ADAP2: variants seen among roughly 807,000 people sequenced by gnomAD.
ADAP2 encodes arf-GAP with dual PH domain-containing protein 2.
In ADAP2, 42 loss-of-function variants were observed where a neutral mutation model predicts 54.9. The observed-to-expected ratio is 0.77, with a 90% confidence interval of 0.60 to 0.99. ADAP2 has a LOEUF of 0.99. ADAP2 is among the 50% of genes least tolerant of loss of function. The probability of loss-of-function intolerance (pLI) is 0.00; values close to 1 mark genes in which losing one functional copy is unlikely to be tolerated. For synonymous variants in ADAP2, 177 were observed against 180.1 expected, an observed-to-expected ratio of 0.98 and a Z score of 0.14; for missense variants, 429 against 480.4, an observed-to-expected ratio of 0.89 and a Z score of 1.00.
chr17:30,952,573 G>T (rs539662936), intron 7 of ADAP2, among the ~76,000 whole-genome samples: 1 of 151,914 alleles, frequency 6.6e-6, no homozygotes, highest in South Asian at 2.1e-4. Context: ...GTGGGGTTTC[G>T]CCATGTTGGC....
intron 9 of ADAP2, 108 bp from the exon 10 acceptor site, chr17:30,956,133 C>A: frequency 1.1e-6 from 1 of 874,604 alleles, no homozygotes; most frequent in Non-Finnish European, 1.8e-6. Context: ...GAAATCCCAG[C>A]AGGGACCTCA....
intron 5 of ADAP2, among the ~76,000 whole-genome samples, chr17:30,944,377 C>G (rs1912496786): frequency 6.6e-6 from 1 of 151,988 alleles, no homozygotes; most frequent in Admixed American, 6.5e-5. Flanking sequence ...TGGCTCATGC[C>G]TATAATCCCA....
intron 3 of ADAP2, 48 bp from the exon 4 acceptor site, chr17:30,931,841 A>G: frequency 1.4e-6 from 2 of 1,466,212 alleles, no homozygotes; most frequent in Non-Finnish European, 9.4e-7. Context: ...AAAAAAAAAA[A>G]AAAGAGAATG....
intron 1 of ADAP2, 99 bp downstream of exon 1, chr17:30,922,207 C>G: frequency 1.1e-6 from 1 of 913,776 alleles, no homozygotes; most frequent in Non-Finnish European, 1.4e-6. Context: ...CCTCGGCCCC[C>G]TGGACCCAGA....
At chr17:30,931,828 C>CAA (rs369963418) in intron 3 of ADAP2, 61 bp from the exon 4 acceptor site, 5,857 of 1,022,008 alleles carry the variant, frequency 5.7e-3, no homozygotes, top group African/African-American at 0.01. Context: ...GACCCTGTCT[C>CAA]AAAAAAAAAA....
At chr17:30,949,180 A>G (rs1807007755) in intron 6 of ADAP2, 107 bp from the exon 7 acceptor site, 2 of 833,546 alleles carry the variant, frequency 2.4e-6, no homozygotes, top group Non-Finnish European at 4.0e-6. Flanking sequence ...GGTGCTGAAT[A>G]TATGTGCCCC....
chr17:30,940,647 G>A (rs1376950004), intron 5 of ADAP2, among the ~76,000 whole-genome samples: 1 of 152,182 alleles, frequency 6.6e-6, no homozygotes, highest in East Asian at 1.9e-4. Flanking sequence ...AAAGAAGTTA[G>A]AAGGAGCCGA....
intron 6 of ADAP2, among the ~76,000 whole-genome samples, chr17:30,948,436 G>T (rs999029120): frequency 6.6e-6 from 1 of 151,916 alleles, no homozygotes; most frequent in Non-Finnish European, 1.5e-5. Context: ...GCCGTGTGGT[G>T]GTGGGCGCCT....
chr17:30,922,870 G>A, intron 1 of ADAP2, 70 bp from the exon 2 acceptor site: 3 of 1,564,832 alleles, frequency 1.9e-6, no homozygotes, highest in South Asian at 1.2e-5. Flanking sequence ...CTGCCCCAGT[G>A]CCCCGAGCCC....
At chr17:30,937,156 C>A (rs185740497) in intron 5 of ADAP2, among the ~76,000 whole-genome samples, 3 of 151,952 alleles carry the variant, frequency 2.0e-5, no homozygotes. Context: ...GAATTTCCGA[C>A]CTCGTGATCC....
At chr17:30,943,103 C>T (rs572048536) in intron 5 of ADAP2, among the ~76,000 whole-genome samples, 29 of 152,330 alleles carry the variant, frequency 1.9e-4, no homozygotes, top group African/African-American at 3.4e-4. Flanking sequence ...CAGTGGCTCA[C>T]GCCTGTAATC....
chr17:30,925,183 A>ATTTTTTT (rs57259969), intron 2 of ADAP2, among the ~76,000 whole-genome samples: 1 of 98,142 alleles, frequency 1.0e-5, no homozygotes, highest in Non-Finnish European at 2.0e-5. Context: ...CGTGCCCAGC[A>ATTTTTTT]TTTTTTTTTT....
In ADAP2 at chr17:30,956,342, C is replaced by T. The variant is rs377043166; in HGVS notation, c.984C>T (p.Ala328=). Residue 328 remains alanine (A), a synonymous_variant, in exon 10 of 11, where the codon GCC becomes GCT. Transcript: ENST00000330889. ...PKGIRGNRWK[A]GLTIVTPERR... is the part of the protein sequence containing the mutation. Reference sequence around the variant, plus strand: ...GCATCCGAGGAAATCGCTGGAAAGCCGGACTCACCATTGTCACCCCAGAGC... The same window carrying T: ...GCATCCGAGGAAATCGCTGGAAAGCTGGACTCACCATTGTCACCCCAGAGC... 2.1e-5 allele frequency: 34 copies of T among 1,614,100 alleles called. No homozygotes were observed. Among genetic ancestry groups the T allele is most frequent in the Middle Eastern group, 1.6e-4 (1 of 6,084 alleles).
intron 7 of ADAP2, among the ~76,000 whole-genome samples, chr17:30,952,292 G>T (rs1402932526): frequency 6.6e-6 from 1 of 152,304 alleles, no homozygotes; most frequent in East Asian, 1.9e-4. Flanking sequence ...AGCTGATGGA[G>T]GCCAGAACTG....
At chr17:30,933,978 G>A (rs961040617) in intron 4 of ADAP2, among the ~76,000 whole-genome samples, 2 of 152,186 alleles carry the variant, frequency 1.3e-5, no homozygotes, top group African/African-American at 4.8e-5. Context: ...TTTAGGCAGT[G>A]GGAAGTGCCC....
intron 6 of ADAP2, among the ~76,000 whole-genome samples, chr17:30,948,674 T>C (rs922406978): frequency 2.5e-4 from 38 of 152,202 alleles, no homozygotes; most frequent in Middle Eastern, 3.4e-3. Context: ...ATGTGGGAGA[T>C]GAAGGTGGCC....
chr17:30,931,843 AAG>A, intron 3 of ADAP2, 44 bp from the exon 4 acceptor site: 2 of 1,436,666 alleles, frequency 1.4e-6, no homozygotes, highest in Non-Finnish European at 1.9e-6. Context: ...AAAAAAAAAA[AAG>A]AGAATGCATC....
chr17:30,954,817 TCTAGTCTCCAGGGCTCA>T (rs1206685783), intron 9 of ADAP2, among the ~76,000 whole-genome samples: 4 of 152,168 alleles, frequency 2.6e-5, no homozygotes, highest in Non-Finnish European at 5.9e-5. Flanking sequence ...TATCTCTTCC[TCTAGTCTCCAGGGCTCA>T]CTTCTAACCA....
intron 4 of ADAP2, 90 bp downstream of exon 4, chr17:30,932,058 A>G: frequency 8.2e-7 from 1 of 1,222,860 alleles, no homozygotes; most frequent in African/African-American, 1.5e-5. Context: ...AGATCCATCC[A>G]AGAGATGCCT....
Sources: gnomAD v4.1 joint callset for allele counts (sites outside exome capture counted in the v4.1 genomes callset) on GRCh38, gnomAD v4.1.1 for gene constraint, MANE v1.5 for transcripts, NCBI Gene and HGNC (gene_info 2026-07-23, HGNC 2026-07-21) for gene names.